Variants in FRS2 observed in about 807,000 individuals in gnomAD.
FRS2 encodes the protein fibroblast growth factor receptor substrate 2.
Under a neutral mutation model 43.9 loss-of-function variants are expected in FRS2, and 8 were observed. The ratio of observed to expected loss-of-function variants is 0.18; its 90% CI spans 0.11 to 0.33. The LOEUF (loss-of-function observed/expected upper bound fraction) is 0.33. Ranked by LOEUF, FRS2 falls within the 10% of genes least tolerant of loss-of-function variation. The pLI is 1.00. For missense variants in FRS2, 534 were observed against 627.6 expected, an observed-to-expected ratio of 0.85 and a Z score of 1.59; for synonymous variants, 219 against 220.3, an observed-to-expected ratio of 0.99 and a Z score of 0.05.
Position 69,550,820 on chromosome 12 carries a change from T to G in FRS2, c.-121-11360T>G, listed in dbSNP as rs565890070. Among the ~76,000 whole-genome samples, 9 of 152,336 alleles carry G rather than the reference T, an allele frequency of 5.9e-5. No individual in the cohort carries two copies. In the South Asian group the frequency reaches 1.4e-3, roughly 25 times the overall value. ...AAACTTTAAGGCTTCAACATGAGTATTTTATGTACATAATTATAGGAAACC... is the reference window on the plus strand; with the variant it reads ...AAACTTTAAGGCTTCAACATGAGTAGTTTATGTACATAATTATAGGAAACC... On this transcript the variant is annotated intron_variant, in intron 3 of 8. Coordinates refer to ENST00000549921, the MANE Select transcript of FRS2 (RefSeq NM_001278356.2).
intron 3 of FRS2, among the ~76,000 whole-genome samples, chr12:69,557,619 T>TGTGTGTGTGC (rs1555192498): frequency 2.8e-3 from 334 of 119,016 alleles, no homozygotes; most frequent in African/African-American, 3.9e-3. Context: ...TGTGTGTGTG[T>TGTGTGTGTGC]GCGCGCGCGC....
At chr12:69,518,015 A>G (rs889088913) in intron 1 of FRS2, among the ~76,000 whole-genome samples, 16 of 151,926 alleles carry the variant, frequency 1.1e-4, no homozygotes, top group Non-Finnish European at 2.2e-4. Flanking sequence ...TTTTTTATGT[A>G]TAAGGAATGA....
At chr12:69,481,832 G>A (rs1206694260) in intron 1 of FRS2, among the ~76,000 whole-genome samples, 1 of 152,088 alleles carries the variant, frequency 6.6e-6, no homozygotes, top group Non-Finnish European at 1.5e-5. Flanking sequence ...TTACAAAAGT[G>A]ATGTTTTCCT....
chr12:69,498,463 G>C (rs1023882762), intron 1 of FRS2, among the ~76,000 whole-genome samples: 4 of 150,994 alleles, frequency 2.6e-5, no homozygotes, highest in African/African-American at 9.8e-5. Flanking sequence ...GGCCCAGGAT[G>C]GCTTTGAATA....
intron 4 of FRS2, among the ~76,000 whole-genome samples, chr12:69,564,500 G>C (rs1296235555): frequency 6.6e-6 from 1 of 151,960 alleles, no homozygotes; most frequent in African/African-American, 2.4e-5. Context: ...ACTTCCTCTT[G>C]AAGACTACAG....
intron 1 of FRS2, among the ~76,000 whole-genome samples, chr12:69,513,640 T>C (rs1874685250): frequency 6.6e-6 from 1 of 152,238 alleles, no homozygotes; most frequent in Non-Finnish European, 1.5e-5. Flanking sequence ...GCTATTTAGA[T>C]ATTTTACTGA....
At chr12:69,529,373 C>G (rs1019838209) in intron 1 of FRS2, among the ~76,000 whole-genome samples, 4 of 152,042 alleles carry the variant, frequency 2.6e-5, no homozygotes, top group African/African-American at 9.7e-5. Context: ...CCTGTAATCC[C>G]AGCACTTTGG....
At chr12:69,523,877 G>A (rs1294011071) in intron 1 of FRS2, among the ~76,000 whole-genome samples, 3 of 152,190 alleles carry the variant, frequency 2.0e-5, no homozygotes, top group Non-Finnish European at 4.4e-5. Flanking sequence ...AGGAACACTG[G>A]TCACCACACT....
intron 3 of FRS2, among the ~76,000 whole-genome samples, chr12:69,544,858 TC>T (rs1241897607): frequency 2.6e-5 from 4 of 152,150 alleles, no homozygotes; most frequent in Non-Finnish European, 5.9e-5. Flanking sequence ...ATTCCCACTT[TC>T]ACCAATTCTA....
At chr12:69,524,748 G>C (rs1876032342) in intron 1 of FRS2, among the ~76,000 whole-genome samples, 1 of 152,182 alleles carries the variant, frequency 6.6e-6, no homozygotes, top group South Asian at 2.1e-4. Context: ...AAACCCTCTA[G>C]ACTTGGCACA....
At chr12:69,516,696 TC>T (rs1409592188) in intron 1 of FRS2, among the ~76,000 whole-genome samples, 2 of 152,192 alleles carry the variant, frequency 1.3e-5, no homozygotes, top group Non-Finnish European at 2.9e-5. Flanking sequence ...TGTCCTTATC[TC>T]CATCTGATCT....
At chr12:69,523,044 G>A (rs950885382) in intron 1 of FRS2, among the ~76,000 whole-genome samples, 4 of 152,186 alleles carry the variant, frequency 2.6e-5, no homozygotes, top group Non-Finnish European at 5.9e-5. Flanking sequence ...GCGATAAGAA[G>A]AATGTATATT....
chr12:69,558,821 G>A (rs1879647461), intron 3 of FRS2, among the ~76,000 whole-genome samples: 1 of 152,130 alleles, frequency 6.6e-6, no homozygotes, highest in South Asian at 2.1e-4. Context: ...TTTATTTCTA[G>A]CACTTAACTC....
intron 3 of FRS2, among the ~76,000 whole-genome samples, chr12:69,546,420 G>C (rs541857051): frequency 6.6e-6 from 1 of 152,094 alleles, no homozygotes; most frequent in Non-Finnish European, 1.5e-5. Context: ...ACCACACCTG[G>C]CTAATTTTTG....
At chr12:69,548,999 T>C (rs2043268874) in intron 3 of FRS2, among the ~76,000 whole-genome samples, 2 of 152,166 alleles carry the variant, frequency 1.3e-5, no homozygotes, top group Admixed American at 6.5e-5. Context: ...ATGGAAAATA[T>C]ACAGCATTAC....
At chr12:69,473,422 C>A (rs1020156951) in intron 1 of FRS2, among the ~76,000 whole-genome samples, 1 of 151,996 alleles carries the variant, frequency 6.6e-6, no homozygotes, top group African/African-American at 2.4e-5. Context: ...GTGAAGAAGG[C>A]CTTTCAAATA....
intron 3 of FRS2, among the ~76,000 whole-genome samples, chr12:69,540,252 CA>C (rs545126566): frequency 6.9e-6 from 1 of 144,384 alleles, no homozygotes; most frequent in Non-Finnish European, 1.5e-5. Context: ...GACTCCATCT[CA>C]AAAAAAATAA....
chr12:69,558,846 A>G (rs1244689645), intron 3 of FRS2, among the ~76,000 whole-genome samples: 1 of 152,236 alleles, frequency 6.6e-6, no homozygotes, highest in Non-Finnish European at 1.5e-5. Flanking sequence ...CCTGACACAC[A>G]GAATAGGTGC....
intron 1 of FRS2, among the ~76,000 whole-genome samples, chr12:69,524,575 C>T (rs1367141210): frequency 1.3e-5 from 2 of 152,000 alleles, no homozygotes. Context: ...GGCCAGCTGA[C>T]TAAAGGGTGT....
Sources: gnomAD v4.1 joint callset for allele counts (sites outside exome capture counted in the v4.1 genomes callset) on GRCh38, gnomAD v4.1.1 for gene constraint, MANE v1.5 for transcripts, NCBI Gene and HGNC (gene_info 2026-07-23, HGNC 2026-07-21) for gene names.